The following SH3RF3 variants were observed in gnomAD, a reference collection of about 807,000 sequenced individuals.
SH3RF3 encodes the protein SH3 domain containing ring finger 3, also known as E3 ubiquitin-protein ligase SH3RF3.
In SH3RF3, 29 loss-of-function variants were observed where a neutral mutation model predicts 66.3. That is an observed-to-expected ratio of 0.44 (90% CI 0.33 to 0.60). The LOEUF (loss-of-function observed/expected upper bound fraction) is 0.60. Among genes scored for constraint, SH3RF3 ranks in the 20% least tolerant of loss-of-function variants. SH3RF3 has a pLI of 0.04. For missense variants in SH3RF3, 1,194 were observed against 1,190.9 expected (o/e 1.00, Z -0.04); for synonymous variants, 583 against 532.0 (o/e 1.10, Z -1.32).
chr2:109,229,915 C>T (rs1245687522), intron 1 of SH3RF3, among the ~76,000 whole-genome samples: 2 of 150,760 alleles, frequency 1.3e-5, no homozygotes, highest in African/African-American at 2.4e-5. Context: ...AGCTCTGCCT[C>T]CTGGGTTCAC....
intron 1 of SH3RF3, among the ~76,000 whole-genome samples, chr2:109,159,859 C>G (rs991939295): frequency 3.9e-5 from 6 of 152,214 alleles, no homozygotes; most frequent in Non-Finnish European, 8.8e-5. Context: ...CCGTCACCCT[C>G]AGATGAGACT....
chr2:109,338,300 G>A (rs1338547956), intron 1 of SH3RF3, among the ~76,000 whole-genome samples: 2 of 152,160 alleles, frequency 1.3e-5, no homozygotes, highest in Admixed American at 6.5e-5. Flanking sequence ...GCATGGAGCA[G>A]GCAGGGTGTG....
At chr2:109,282,021 C>A (rs1260358644) in intron 1 of SH3RF3, among the ~76,000 whole-genome samples, 1 of 152,038 alleles carries the variant, frequency 6.6e-6, no homozygotes, top group Admixed American at 6.5e-5. Context: ...GTTCAAGATG[C>A]TACATCTCTG....
At position 109,130,839 on chromosome 2, in the gene SH3RF3, C is replaced by G. The variant is rs1437996154; in HGVS notation, c.573+726C>G. On this transcript the variant is annotated intron_variant, in intron 1 of 9. Transcript: ENST00000309415. ...TTCTGTTTTAGACGAAAGATCTTCT[C>G]TGGATGGCTTCAATGATTTGGTTTT... 2.0e-5 allele frequency among the ~76,000 whole-genome samples: 3 copies of G among 152,246 alleles called. No individual in the cohort carries two copies. The East Asian group carries it at 5.8e-4, about 29-fold the overall frequency.
intron 1 of SH3RF3, among the ~76,000 whole-genome samples, chr2:109,325,331 CTTTTTTTTTTTT>C (rs11298946): frequency 8.1e-4 from 54 of 66,274 alleles, no homozygotes; most frequent in Admixed American, 2.4e-3. Flanking sequence ...TTCTTTCTTT[CTTTTTTTTTTTT>C]TTTTTTTTTT....
chr2:109,244,318 C>G (rs1028074567), intron 1 of SH3RF3, among the ~76,000 whole-genome samples: 5 of 152,138 alleles, frequency 3.3e-5, no homozygotes, highest in African/African-American at 1.2e-4. Context: ...CATTTTGCAT[C>G]TAGGAGCAGG....
At chr2:109,364,330 TTCTGGCTCTTTA>T (rs552933939) in intron 2 of SH3RF3, among the ~76,000 whole-genome samples, 40 of 152,374 alleles carry the variant, frequency 2.6e-4, no homozygotes, top group African/African-American at 9.4e-4. Flanking sequence ...AACATTTCTT[TTCTGGCTCTTTA>T]TCTTTGCTTA....
chr2:109,282,911 GAGA>G (rs1477159430), intron 1 of SH3RF3, among the ~76,000 whole-genome samples: 1 of 152,120 alleles, frequency 6.6e-6, no homozygotes, highest in Non-Finnish European at 1.5e-5. Context: ...AGGTGACAGT[GAGA>G]AGGAGAAACT....
chr2:109,452,054 C>T (rs759660542), intron 8 of SH3RF3, among the ~76,000 whole-genome samples: 1 of 152,258 alleles, frequency 6.6e-6, no homozygotes, highest in Non-Finnish European at 1.5e-5. Flanking sequence ...AAGCACTGGT[C>T]TACAAAACCA....
intron 1 of SH3RF3, among the ~76,000 whole-genome samples, chr2:109,330,274 G>T (rs187851234): frequency 7.2e-5 from 11 of 152,238 alleles, no homozygotes; most frequent in African/African-American, 2.6e-4. Flanking sequence ...CTCAATTTTG[G>T]TGTGCATTTC....
chr2:109,347,813 G>A lies in SH3RF3; in HGVS notation c.713G>A (p.Gly238Asp), dbSNP rs375038281. 1.1e-5 allele frequency: 17 copies of A among 1,613,830 alleles called. No individual in the cohort carries two copies. In the African/African-American group the frequency reaches 2.0e-4, roughly 19 times the overall value. The part of the protein sequence containing the change: ...DEQWYHGELH[G>D]TQGFLPASYI... Reference sequence around the variant, plus strand: ...CAGTGGTACCACGGCGAGCTGCACGGCACACAGGGCTTCCTCCCAGCCAGC... The same window carrying A: ...CAGTGGTACCACGGCGAGCTGCACGACACACAGGGCTTCCTCCCAGCCAGC... The change falls in exon 2 of 10, where the codon GGC (glycine) becomes GAC (aspartate). Residue 238 changes from glycine to aspartate, a missense_variant. By Grantham distance (94) the Gly-to-Asp change is moderately conservative. Transcript: ENST00000309415.
At chr2:109,389,863 C>T (rs1196012169) in intron 3 of SH3RF3, among the ~76,000 whole-genome samples, 1 of 152,174 alleles carries the variant, frequency 6.6e-6, no homozygotes, top group East Asian at 1.9e-4. Context: ...GCCCACCTGC[C>T]TGGGCTGTGG....
At chr2:109,166,333 C>G (rs536400217) in intron 1 of SH3RF3, among the ~76,000 whole-genome samples, 1 of 151,636 alleles carries the variant, frequency 6.6e-6, no homozygotes, top group Non-Finnish European at 1.5e-5. Flanking sequence ...AAAAATTAGC[C>G]GAGTGTGGTG....
intron 1 of SH3RF3, among the ~76,000 whole-genome samples, chr2:109,233,206 T>G (rs1008738247): frequency 2.0e-5 from 3 of 152,180 alleles, no homozygotes; most frequent in Admixed American, 6.5e-5. Context: ...CTTGTCCTCT[T>G]GGTACCCAGG....
intron 1 of SH3RF3, among the ~76,000 whole-genome samples, chr2:109,161,106 G>A (rs1028579930): frequency 6.6e-6 from 1 of 152,200 alleles, no homozygotes; most frequent in Non-Finnish European, 1.5e-5. Context: ...TAGAAGAGAA[G>A]CCGTTTGAGG....
intron 9 of SH3RF3, 25 bp from the exon 10 acceptor site, chr2:109,501,478 C>T (rs770198016): frequency 6.5e-6 from 5 of 769,256 alleles, no homozygotes; most frequent in Admixed American, 5.2e-5. Flanking sequence ...CTGTGTGGGG[C>T]TCACCCACTG....
In SH3RF3 at chr2:109,501,537, G is replaced by A; in HGVS notation, c.2515G>A (p.Glu839Lys). The A allele has an allele frequency of 1.3e-6, 1 of 779,500 alleles. No homozygotes were observed. The highest frequency in any genetic ancestry group is 2.4e-6 in the Non-Finnish European group (1 of 417,468). 48.3% of individuals were successfully genotyped at this position (779,500 alleles called of 1,614,324 possible). ...RVVVSYPPQS[E>K]AEIELKEGDI... is the part of the protein sequence containing the mutation. ...GGTGGTCTCGTACCCACCCCAGAGT[G>A]AGGCGGAGATCGAGCTGAAGGAAGG... is the stretch of plus-strand genomic sequence containing the variant. Residue 839 changes from glutamate (E) to lysine (K), a missense_variant, in exon 10 of 10, where the codon GAG (glutamate) becomes AAG (lysine). Physicochemically the swap from Glu to Lys is moderately conservative, Grantham distance 56. Transcript: ENST00000309415.
chr2:109,246,316 G>A (rs899139763), intron 1 of SH3RF3, among the ~76,000 whole-genome samples: 2 of 152,202 alleles, frequency 1.3e-5, no homozygotes, highest in African/African-American at 4.8e-5. Flanking sequence ...CTGGCCTCCA[G>A]GTTCACAGAC....
chr2:109,224,555 G>A (rs902086891), intron 1 of SH3RF3, among the ~76,000 whole-genome samples: 1 of 152,202 alleles, frequency 6.6e-6, no homozygotes, highest in Non-Finnish European at 1.5e-5. Context: ...GGCTCAGGAA[G>A]TGGCTTTTAA....
Sources: allele counts gnomAD v4.1 joint callset (sites outside exome capture counted in the v4.1 genomes callset), GRCh38; gene constraint gnomAD v4.1.1; transcripts MANE v1.5; gene names NCBI Gene and HGNC (gene_info 2026-07-23, HGNC 2026-07-21).